Variants in PDE7B observed in about 807,000 individuals in gnomAD.
PDE7B encodes phosphodiesterase 7B.
Under a neutral mutation model 56.2 loss-of-function variants are expected in PDE7B, and 29 were observed. That is an observed-to-expected ratio of 0.52 (90% CI 0.38 to 0.70). The LOEUF (loss-of-function observed/expected upper bound fraction) is 0.70. PDE7B is among the 30% of genes least tolerant of loss of function. PDE7B has a pLI of 0.00. For missense variants in PDE7B, 490 were observed against 565.0 expected (o/e 0.87, Z 1.35); for synonymous variants, 197 against 196.9 (o/e 1.00, Z 0.00).
At chr6:135,924,154 A>G (rs1222515968) in intron 1 of PDE7B, among the ~76,000 whole-genome samples, 1 of 152,242 alleles carries the variant, frequency 6.6e-6, no homozygotes, top group Non-Finnish European at 1.5e-5. Flanking sequence ...GAAAAAAACT[A>G]AAGTTATTAT....
At chr6:136,099,549 T>A (rs1165762205) in intron 2 of PDE7B, among the ~76,000 whole-genome samples, 3 of 152,248 alleles carry the variant, frequency 2.0e-5, no homozygotes, top group Non-Finnish European at 2.9e-5. Flanking sequence ...TTTTTTCATA[T>A]GTCTGTTGGC....
intron 12 of PDE7B, among the ~76,000 whole-genome samples, chr6:136,189,725 AC>A (rs1314700532): frequency 6.0e-5 from 9 of 151,124 alleles, no homozygotes; most frequent in African/African-American, 1.9e-4. Context: ...CCTCCCCGCA[AC>A]CCCCCGTCAC....
chr6:135,897,510 G>C (rs1334369802), intron 1 of PDE7B, among the ~76,000 whole-genome samples: 1 of 152,166 alleles, frequency 6.6e-6, no homozygotes, highest in East Asian at 1.9e-4. Flanking sequence ...GAGAAAGGTA[G>C]CCAGGGAGCT....
chr6:136,008,974 C>A lies in PDE7B; in HGVS notation c.82+61450C>A, dbSNP rs547648397. ...AGGGTTTTTATGGTTTTAGGTCTAA[C>A]ATTTAAGTCTTTAATCCATCTTGAA... On this transcript the variant is annotated intron_variant, in intron 2 of 12. Coordinates refer to ENST00000308191, the MANE Select transcript of PDE7B (RefSeq NM_018945.4). Among the ~76,000 whole-genome samples, 780 of 152,018 alleles carry A rather than the reference C, an allele frequency of 5.1e-3. 3 individuals carry two copies. The highest frequency in any genetic ancestry group is 8.5e-3 in the Non-Finnish European group (580 of 67,968).
At chr6:135,881,273 G>A (rs796822202) in intron 1 of PDE7B, among the ~76,000 whole-genome samples, 7 of 151,506 alleles carry the variant, frequency 4.6e-5, no homozygotes, top group Non-Finnish European at 8.8e-5. Context: ...TGAAGTGGGC[G>A]GATCACAAGG....
chr6:136,077,980 A>T (rs1777149911), intron 2 of PDE7B, among the ~76,000 whole-genome samples: 1 of 152,316 alleles, frequency 6.6e-6, no homozygotes, highest in South Asian at 2.1e-4. Context: ...CCCAGGGTGA[A>T]TTGAGGTTAG....
intron 2 of PDE7B, among the ~76,000 whole-genome samples, chr6:136,093,435 T>G (rs754263765): frequency 2.0e-5 from 3 of 152,248 alleles, no homozygotes; most frequent in Non-Finnish European, 4.4e-5. Context: ...TTAATTAATT[T>G]TATGGATAAA....
intron 1 of PDE7B, among the ~76,000 whole-genome samples, chr6:135,875,937 T>C (rs917078142): frequency 6.6e-6 from 1 of 152,176 alleles, no homozygotes; most frequent in Non-Finnish European, 1.5e-5. Context: ...TTTCTCTCTG[T>C]GGTGGTTCAG....
chr6:135,866,982 T>C (rs1775273407), intron 1 of PDE7B, among the ~76,000 whole-genome samples: 3 of 152,218 alleles, frequency 2.0e-5, no homozygotes, highest in Admixed American at 6.5e-5. Context: ...TCAGCTTTTC[T>C]TGGGTGCTTG....
intron 3 of PDE7B, among the ~76,000 whole-genome samples, chr6:136,131,992 T>C (rs934189144): frequency 2.0e-4 from 30 of 152,338 alleles, no homozygotes; most frequent in South Asian, 6.2e-4. Flanking sequence ...AAAGAATGAA[T>C]AAGAAATGTC....
intron 1 of PDE7B, among the ~76,000 whole-genome samples, chr6:135,926,322 C>T (rs1160615089): frequency 2.6e-5 from 4 of 152,084 alleles, no homozygotes; most frequent in Non-Finnish European, 5.9e-5. Context: ...CTCCTGACCT[C>T]GTGATCTGCC....
chr6:135,876,774 G>T (rs1775501525), intron 1 of PDE7B, among the ~76,000 whole-genome samples: 1 of 152,070 alleles, frequency 6.6e-6, no homozygotes, highest in Non-Finnish European at 1.5e-5. Flanking sequence ...CAGGAGAATT[G>T]CTTGAACCTG....
chr6:135,856,570 C>T (rs1228006063), intron 1 of PDE7B, among the ~76,000 whole-genome samples: 3 of 152,026 alleles, frequency 2.0e-5, no homozygotes, highest in African/African-American at 7.2e-5. Context: ...GGGTTGCTGC[C>T]CCTTACTAGT....
At chr6:136,090,725 T>A (rs1167797607) in intron 2 of PDE7B, among the ~76,000 whole-genome samples, 2 of 152,078 alleles carry the variant, frequency 1.3e-5, no homozygotes, top group African/African-American at 2.4e-5. Flanking sequence ...AACAACCAAG[T>A]CTCCTAGGAG....
chr6:135,981,134 G>A lies in PDE7B; in HGVS notation c.82+33610G>A, dbSNP rs1435013922. Reference sequence around the variant, plus strand: ...AAATGATGAGTTCATGTCCTTTGTGGGGACATGGATGAAAGTGGAAATCAT... The same window carrying A: ...AAATGATGAGTTCATGTCCTTTGTGAGGACATGGATGAAAGTGGAAATCAT... On this transcript the variant is annotated intron_variant, in intron 2 of 12. Transcript: ENST00000308191. 2.6e-5 allele frequency among the ~76,000 whole-genome samples: 4 copies of A among 151,802 alleles called. No individual in the cohort carries two copies. The East Asian group carries it at 7.8e-4, about 29-fold the overall frequency.
intron 1 of PDE7B, among the ~76,000 whole-genome samples, chr6:135,925,774 T>C (rs970295205): frequency 4.6e-5 from 7 of 152,300 alleles, no homozygotes; most frequent in African/African-American, 1.7e-4. Flanking sequence ...CCCAAATAGC[T>C]TTTCAAAAAT....
At chr6:135,950,483 T>C (rs1774679830) in intron 2 of PDE7B, among the ~76,000 whole-genome samples, 1 of 152,228 alleles carries the variant, frequency 6.6e-6, no homozygotes, top group African/African-American at 2.4e-5. Context: ...GGTAATTTTA[T>C]AACATTTTTA....
intron 11 of PDE7B, among the ~76,000 whole-genome samples, chr6:136,184,653 C>T (rs949287431): frequency 3.3e-5 from 5 of 152,068 alleles, no homozygotes; most frequent in Non-Finnish European, 7.3e-5. Context: ...AAGATAAGAA[C>T]GAGAGGATTG....
intron 1 of PDE7B, among the ~76,000 whole-genome samples, chr6:135,933,492 A>C (rs1336221178): frequency 6.6e-6 from 1 of 152,244 alleles, no homozygotes; most frequent in African/African-American, 2.4e-5. Flanking sequence ...GCAGGATTCA[A>C]AGCTAAGATA....
Sources: allele counts gnomAD v4.1 joint callset (sites outside exome capture counted in the v4.1 genomes callset), GRCh38; gene constraint gnomAD v4.1.1; transcripts MANE v1.5; gene names NCBI Gene and HGNC (gene_info 2026-07-23, HGNC 2026-07-21).